Variants in SPATA13 observed in about 807,000 individuals in gnomAD.
SPATA13 encodes the protein spermatogenesis-associated protein 13.
SPATA13 carries 50 observed loss-of-function variants against 104.0 expected under a neutral mutation model. The observed-to-expected ratio is 0.48, with a 90% CI of 0.38 to 0.61. The LOEUF (loss-of-function observed/expected upper bound fraction) is 0.61. SPATA13 is among the 20% of genes least tolerant of loss of function. The probability of loss-of-function intolerance (pLI) is 0.00; values close to 1 mark genes in which losing one functional copy is unlikely to be tolerated. For synonymous variants in SPATA13, 606 were observed against 667.5 expected, an observed-to-expected ratio of 0.91 and a Z score of 1.42; for missense variants, 1,524 against 1,690.6, an observed-to-expected ratio of 0.90 and a Z score of 1.73.
chr13:24,212,419 G>A (rs1235883725), intron 1 of SPATA13, among the ~76,000 whole-genome samples: 1 of 152,156 alleles, frequency 6.6e-6, no homozygotes, highest in Non-Finnish European at 1.5e-5. Flanking sequence ...AGCTTTGCCT[G>A]CGTTCCTTGC....
At chr13:24,116,562 C>T (rs999758707) in intron 3 of SPATA13, among the ~76,000 whole-genome samples, 3 of 152,164 alleles carry the variant, frequency 2.0e-5, no homozygotes, top group Non-Finnish European at 4.4e-5. Context: ...AGGCAGTCCC[C>T]ACAACGACTG....
At chr13:24,151,758 G>A (rs1422193416) in intron 3 of SPATA13, among the ~76,000 whole-genome samples, 6 of 152,176 alleles carry the variant, frequency 3.9e-5, no homozygotes, top group East Asian at 1.9e-4. Flanking sequence ...TAGGGTTATT[G>A]TGAGGATTAA....
intron 1 of SPATA13, among the ~76,000 whole-genome samples, chr13:24,168,214 G>A (rs1882826036): frequency 6.6e-6 from 1 of 152,162 alleles, no homozygotes; most frequent in African/African-American, 2.4e-5. Flanking sequence ...TTGAGTAAGT[G>A]ACCCATAGCC....
chr13:24,156,783 A>C (rs972432248), upstream of SPATA13, among the ~76,000 whole-genome samples: 2 of 152,224 alleles, frequency 1.3e-5, no homozygotes, highest in African/African-American at 4.8e-5. Context: ...ATCACAGATA[A>C]GGAGCCGGTC....
At chr13:24,061,265 T>G (rs972085553) in intron 3 of SPATA13, among the ~76,000 whole-genome samples, 35 of 152,188 alleles carry the variant, frequency 2.3e-4, no homozygotes, top group African/African-American at 8.0e-4. Context: ...TATATACTAT[T>G]GGTGAGATCA....
At chr13:24,054,923 C>CATT (rs368636160) in intron 3 of SPATA13, among the ~76,000 whole-genome samples, 1,591 of 152,306 alleles carry the variant, frequency 0.01, 8 homozygotes, top group Middle Eastern at 0.041. Flanking sequence ...AGCATTTAAA[C>CATT]ATTAAGTCAA....
chr13:24,002,527 G>T (rs562005885), intron 2 of SPATA13, among the ~76,000 whole-genome samples: 3 of 152,128 alleles, frequency 2.0e-5, no homozygotes, highest in Non-Finnish European at 4.4e-5. Context: ...ACACCAGATC[G>T]GCCTCAGTGG....
chr13:24,260,698 G>A (rs17464453), intron 4 of SPATA13, among the ~76,000 whole-genome samples: 11,712 of 152,198 alleles, frequency 0.077, 506 homozygotes, highest in East Asian at 0.12. Flanking sequence ...TGGAAAAAAT[G>A]GAAAAATCGA....
At position 24,302,443 on chromosome 13, in the gene SPATA13, C is replaced by T. The variant is rs1593521489; in HGVS notation, c.3659-155C>T. The T allele has an allele frequency of 5.4e-6, 3 of 551,796 alleles. No individual in the cohort carries two copies. The East Asian group carries it at 9.0e-5, about 17-fold the overall frequency. The allele number at this position is 551,796 out of a possible 1,614,324, so 34.2% of individuals were successfully genotyped here. ...CACCACTGCACTCCAGCCTGGGTGA[C>T]AGTAAGACCCTGTCTCAAAAAAAAA... is the stretch of plus-strand genomic sequence containing the variant. On this transcript the variant is annotated intron_variant, in intron 12 of 12. Coordinates refer to ENST00000382108, the MANE Select transcript of SPATA13 (RefSeq NM_001166271.3).
rs1875976991 is a variant in SPATA13, at chr13:24,001,658, T to G, written c.-146-16009T>G. On this transcript the variant is annotated intron_variant, in intron 2 of 14. Coordinates refer to the SPATA13 transcript ENST00000424834. ...ACCACACTCATCCCAGTGACTTGGG[T>G]GGGAAGCAGGAGGGGTGAGGAGTTT... Among the ~76,000 whole-genome samples, 6 of 151,322 alleles carry G rather than the reference T, an allele frequency of 4.0e-5. No homozygotes were observed. The South Asian group carries it at 1.3e-3, about 32-fold the overall frequency.
intron 12 of SPATA13, among the ~76,000 whole-genome samples, chr13:24,301,018 T>G (rs1877148884): frequency 6.6e-6 from 1 of 152,110 alleles, no homozygotes; most frequent in African/African-American, 2.4e-5. Context: ...ACATTAGAAT[T>G]CCCTGGGGAA....
Position 24,169,829 on chromosome 13 carries a change from C to G in SPATA13, c.-112+8897C>G, listed in dbSNP as rs139017000. 2.5e-3 allele frequency among the ~76,000 whole-genome samples: 383 copies of G among 152,334 alleles called. 3 individuals carry two copies. Among genetic ancestry groups the G allele is most frequent in the African/African-American group, 8.6e-3 (358 of 41,572 alleles). ...GCTCAGTGAGTCCCCACTCTCCTCT[C>G]CTGCCTGGCTGCTCTGCCTGCAGAC... is the stretch of plus-strand genomic sequence containing the variant. On this transcript the variant is annotated intron_variant, in intron 1 of 12. Transcript: ENST00000382108.
chr13:24,087,010 T>A (rs1276096952), intron 3 of SPATA13, among the ~76,000 whole-genome samples: 1 of 152,234 alleles, frequency 6.6e-6, no homozygotes, highest in Non-Finnish European at 1.5e-5. Flanking sequence ...ACGTTTTCTT[T>A]TTTTAATAAA....
Position 24,305,713 on chromosome 13 carries a change from A to G in SPATA13, c.*2940A>G, listed in dbSNP as rs534201213. 6.6e-6 allele frequency: 1 copy of G among 152,342 alleles called. No individual in the cohort carries two copies. Among genetic ancestry groups the G allele is most frequent in the Admixed American group, 6.5e-5 (1 of 15,302 alleles). The allele number at this position is 152,342 out of a possible 1,614,324, so 9.4% of individuals were successfully genotyped here. A position where few individuals can be genotyped will look rare whatever the true frequency, so the allele number is the denominator to read the frequency against. On this transcript the variant is annotated 3_prime_UTR_variant, in exon 13 of 13. Coordinates refer to ENST00000382108, the MANE Select transcript of SPATA13 (RefSeq NM_001166271.3). ...TATTATAGATGGGCCAAGAAAAGAA[A>G]AGATGACATAACATTTTGATGAATT...
chr13:24,152,159 G>A (rs557980032), intron 3 of SPATA13, among the ~76,000 whole-genome samples: 1 of 152,374 alleles, frequency 6.6e-6, no homozygotes, highest in South Asian at 2.1e-4. Flanking sequence ...TTTAGAGGCT[G>A]GGAAGTCCAA....
intron 1 of SPATA13, among the ~76,000 whole-genome samples, chr13:24,168,570 A>G (rs1466847227): frequency 6.7e-6 from 1 of 148,696 alleles, no homozygotes; most frequent in African/African-American, 2.6e-5. Flanking sequence ...ATCGCAGCAC[A>G]CAAGCAGCCC....
Position 24,017,296 on chromosome 13 carries a change from G to A in SPATA13, c.-146-371G>A, listed in dbSNP as rs79964850. On this transcript the variant is annotated intron_variant, in intron 2 of 14. Transcript: ENST00000424834. ...GAGAAATAGAATAATTTGCCTGGGC[G>A]TGCAGCAAGTGAGTGGTGGACCCGA... Among the ~76,000 whole-genome samples, 1,428 of 152,266 alleles carry A rather than the reference G, an allele frequency of 9.4e-3. 26 individuals carry two copies. The highest frequency in any genetic ancestry group is 0.078 in the East Asian group (406 of 5,174).
At chr13:24,094,221 C>T (rs1172256184) in intron 3 of SPATA13, among the ~76,000 whole-genome samples, 2 of 152,162 alleles carry the variant, frequency 1.3e-5, no homozygotes, top group East Asian at 1.9e-4. Context: ...CCTGTGCACC[C>T]GTAGGGAGTG....
intron 1 of SPATA13, among the ~76,000 whole-genome samples, chr13:24,165,314 C>T (rs1040907841): frequency 3.9e-5 from 6 of 152,198 alleles, no homozygotes; most frequent in Non-Finnish European, 5.9e-5. Context: ...TGAAGACCCA[C>T]CAGCATCCAT....
Sources: allele counts gnomAD v4.1 joint callset (sites outside exome capture counted in the v4.1 genomes callset), GRCh38; gene constraint gnomAD v4.1.1; transcripts MANE v1.5; gene names NCBI Gene and HGNC (gene_info 2026-07-23, HGNC 2026-07-21).